The following SYCP1 variants were observed in gnomAD, a reference collection of about 807,000 sequenced individuals.
SYCP1 encodes cancer/testis antigen 8.
In SYCP1, 64 loss-of-function variants were observed where a neutral mutation model predicts 153.1. That is an observed-to-expected ratio of 0.42 (90% confidence interval 0.34 to 0.51). SYCP1 has a LOEUF of 0.51. SYCP1 is among the 20% of genes least tolerant of loss of function. The pLI, the probability that SYCP1 is intolerant of heterozygous loss-of-function variation, is 0.06. For missense variants in SYCP1, 997 were observed against 1,049.0 expected (o/e 0.95, Z 0.68); for synonymous variants, 384 against 341.8 (o/e 1.12, Z -1.36).
chr1:114,934,893 C>T (rs1056243809), intron 23 of SYCP1, among the ~76,000 whole-genome samples: 1 of 152,030 alleles, frequency 6.6e-6, no homozygotes, highest in African/African-American at 2.4e-5. Flanking sequence ...ACAGGAGCAC[C>T]CAGATTCATA....
intron 30 of SYCP1, among the ~76,000 whole-genome samples, chr1:114,992,848 G>T (rs913036572): frequency 6.6e-6 from 1 of 151,374 alleles, no homozygotes; most frequent in African/African-American, 2.4e-5. Flanking sequence ...AAAAGACAAG[G>T]TAAATAGTGA....
chr1:114,873,226 A>G (rs1665277623), intron 8 of SYCP1, among the ~76,000 whole-genome samples: 1 of 152,118 alleles, frequency 6.6e-6, no homozygotes, highest in Admixed American at 6.6e-5. Context: ...ATTGTTTTGG[A>G]TAGCTACACA....
intron 15 of SYCP1, among the ~76,000 whole-genome samples, 163 bp downstream of exon 15, chr1:114,887,856 TAAGA>T (rs1175131472): frequency 6.6e-6 from 1 of 152,020 alleles, no homozygotes; most frequent in African/African-American, 2.4e-5. Context: ...ATTTAAACCT[TAAGA>T]AAGAGTGTTT....
At chr1:114,924,154 G>A (rs1669098352) in intron 21 of SYCP1, among the ~76,000 whole-genome samples, 1 of 152,058 alleles carries the variant, frequency 6.6e-6, no homozygotes, top group African/African-American at 2.4e-5. Context: ...TTATTGAGCA[G>A]GTGACACCTT....
chr1:114,903,332 T>C (rs1304942999), intron 16 of SYCP1, among the ~76,000 whole-genome samples: 1 of 152,180 alleles, frequency 6.6e-6, no homozygotes, highest in Non-Finnish European at 1.5e-5. Context: ...AACATTACAA[T>C]GGTGACAAGG....
At chr1:114,933,248 A>C (rs638803) in intron 23 of SYCP1, among the ~76,000 whole-genome samples, 1 of 151,984 alleles carries the variant, frequency 6.6e-6, no homozygotes, top group Admixed American at 6.5e-5. Context: ...AATATTCACT[A>C]TTCTGCAGCC....
chr1:114,958,756 TA>T (rs754525268), intron 27 of SYCP1, among the ~76,000 whole-genome samples: 53,538 of 96,552 alleles, frequency 0.55, 13,915 homozygotes, highest in Middle Eastern at 0.65. Flanking sequence ...CTGTCTCTAC[TA>T]AAAAAAAAAA....
At chr1:114,949,604 G>A (rs180727416) in intron 27 of SYCP1, among the ~76,000 whole-genome samples, 1 of 152,266 alleles carries the variant, frequency 6.6e-6, no homozygotes, top group African/African-American at 2.4e-5. Flanking sequence ...TGAGGCCCAT[G>A]GGGTCTTGAT....
At chr1:114,931,543 C>G (rs966699054) in intron 23 of SYCP1, among the ~76,000 whole-genome samples, 5 of 152,066 alleles carry the variant, frequency 3.3e-5, no homozygotes, top group Admixed American at 1.3e-4. Context: ...AAGACCCATA[C>G]AGAGAACAGT....
At chr1:114,902,274 GC>G (rs945710219) in intron 16 of SYCP1, among the ~76,000 whole-genome samples, 1 of 152,162 alleles carries the variant, frequency 6.6e-6, no homozygotes, top group African/African-American at 2.4e-5. Context: ...AGGCTTAGAA[GC>G]GAAAGAGAAA....
intron 12 of SYCP1, among the ~76,000 whole-genome samples, chr1:114,885,061 T>C (rs1000472213): frequency 3.4e-4 from 51 of 152,226 alleles, no homozygotes; most frequent in African/African-American, 1.1e-3. Flanking sequence ...TCGTGAATAA[T>C]TTTACCATCG....
intron 20 of SYCP1, among the ~76,000 whole-genome samples, chr1:114,923,090 G>T (rs1340793825): frequency 6.6e-6 from 1 of 152,130 alleles, no homozygotes; most frequent in Non-Finnish European, 1.5e-5. Flanking sequence ...CTGTTGCTTT[G>T]TATTTTGATA....
intron 16 of SYCP1, among the ~76,000 whole-genome samples, chr1:114,905,643 T>C (rs989202992): frequency 1.3e-5 from 2 of 152,202 alleles, no homozygotes; most frequent in Non-Finnish European, 2.9e-5. Flanking sequence ...CTGGAAGAGA[T>C]TGTGTAAAAT....
chr1:114,913,950 G>T, intron 19 of SYCP1, 25 bp from the exon 20 acceptor site: 1 of 1,451,886 alleles, frequency 6.9e-7, no homozygotes, highest in South Asian at 1.4e-5. Flanking sequence ...CAAAATAATT[G>T]ATATAAACAA....
intron 23 of SYCP1, among the ~76,000 whole-genome samples, chr1:114,937,190 A>G (rs1263300156): frequency 2.0e-5 from 3 of 152,224 alleles, no homozygotes; most frequent in Admixed American, 2.0e-4. Context: ...CTTGTACCAA[A>G]ACAGAGATAT....
In SYCP1 at chr1:114,939,382, A is replaced by G. The variant is rs567496066; in HGVS notation, c.1927-4957A>G. Reference sequence around the variant, plus strand: ...GTGGCTTTATCCACAATGATAAAAAATGGAAACACATAAAATGTTCATTAA... The same window carrying G: ...GTGGCTTTATCCACAATGATAAAAAGTGGAAACACATAAAATGTTCATTAA... On this transcript the variant is annotated intron_variant, in intron 23 of 31. Coordinates refer to ENST00000369522, the MANE Select transcript of SYCP1 (RefSeq NM_003176.4). Among the ~76,000 whole-genome samples the G allele has an allele frequency of 5.9e-5, 9 of 152,320 alleles. No homozygotes were observed. In the South Asian group the frequency reaches 1.9e-3, roughly 32 times the overall value.
At chr1:114,881,094 C>CACACACA (rs1440330109) in intron 12 of SYCP1, among the ~76,000 whole-genome samples, 12 of 150,044 alleles carry the variant, frequency 8.0e-5, no homozygotes, top group African/African-American at 2.9e-4. Context: ...CACACACACA[C>CACACACA]ATTTCTTTAT....
intron 8 of SYCP1, among the ~76,000 whole-genome samples, chr1:114,868,430 G>A (rs1359977936): frequency 1.3e-5 from 2 of 152,030 alleles, no homozygotes; most frequent in Non-Finnish European, 2.9e-5. Flanking sequence ...TATAGGTGTG[G>A]GCCACTGTGT....
intron 23 of SYCP1, among the ~76,000 whole-genome samples, chr1:114,935,921 A>C (rs1669968410): frequency 6.6e-6 from 1 of 152,200 alleles, no homozygotes; most frequent in South Asian, 2.1e-4. Flanking sequence ...TAGCCTACCA[A>C]CCAAAATAAG....
Sources: gnomAD v4.1 joint callset for allele counts (sites outside exome capture counted in the v4.1 genomes callset) on GRCh38, gnomAD v4.1.1 for gene constraint, MANE v1.5 for transcripts, NCBI Gene and HGNC (gene_info 2026-07-23, HGNC 2026-07-21) for gene names.